TRPM3: variants seen among roughly 807,000 people sequenced by gnomAD.
TRPM3 encodes transient receptor potential cation channel subfamily M member 3.
In TRPM3, 77 loss-of-function variants were observed where a neutral mutation model predicts 181.2. That is an observed-to-expected ratio of 0.42 (90% CI 0.35 to 0.51). The LOEUF is 0.51. Ranked by LOEUF, TRPM3 falls within the 20% of genes least tolerant of loss-of-function variation. The pLI, the probability that TRPM3 is intolerant of heterozygous loss-of-function variation, is 0.01. For synonymous variants in TRPM3, 745 were observed against 796.4 expected, an observed-to-expected ratio of 0.94 and a Z score of 1.09; for missense variants, 1,759 against 2,196.7, an observed-to-expected ratio of 0.80 and a Z score of 3.98.
intron 1 of TRPM3, among the ~76,000 whole-genome samples, chr9:70,970,600 A>C (rs1349477586): frequency 1.3e-5 from 2 of 152,078 alleles, no homozygotes; most frequent in African/African-American, 4.8e-5. Flanking sequence ...GCTTCACATC[A>C]ATGTCCTGAA....
At chr9:71,311,733 AAAG>A (rs1315417496) in intron 1 of TRPM3, among the ~76,000 whole-genome samples, 3 of 152,042 alleles carry the variant, frequency 2.0e-5, no homozygotes, top group Non-Finnish European at 4.4e-5. Context: ...GGCCACATTC[AAAG>A]AAGAATTGTC....
chr9:70,899,484 T>C (rs1440027019), intron 1 of TRPM3, among the ~76,000 whole-genome samples: 1 of 152,188 alleles, frequency 6.6e-6, no homozygotes, highest in Admixed American at 6.5e-5. Context: ...ACAGGACCAC[T>C]TGCAAGTCTC....
intron 1 of TRPM3, among the ~76,000 whole-genome samples, chr9:70,938,991 A>T (rs1054867054): frequency 1.4e-5 from 2 of 143,170 alleles, no homozygotes; most frequent in African/African-American, 5.0e-5. Flanking sequence ...ATAAAAAAAT[A>T]AAAAAAAAAC....
intron 1 of TRPM3, among the ~76,000 whole-genome samples, chr9:71,065,904 G>C (rs528454856): frequency 6.6e-6 from 1 of 152,214 alleles, no homozygotes; most frequent in African/African-American, 2.4e-5. Context: ...AACAAGCGAT[G>C]ACATATGGCA....
chr9:71,172,055 T>C (rs1266318810), intron 1 of TRPM3, among the ~76,000 whole-genome samples: 2 of 152,004 alleles, frequency 1.3e-5, no homozygotes, highest in African/African-American at 4.8e-5. Context: ...CACACCACCA[T>C]ACCTGGCCAG....
At chr9:71,045,215 G>C (rs2059298642) in intron 1 of TRPM3, among the ~76,000 whole-genome samples, 1 of 152,024 alleles carries the variant, frequency 6.6e-6, no homozygotes, top group Admixed American at 6.6e-5. Context: ...TCCTGCCTCA[G>C]CCTCCCGAGT....
intron 6 of TRPM3, chr9:70,793,600 C>T (rs1179391267): frequency 2.1e-6 from 1 of 469,712 alleles, no homozygotes; most frequent in African/African-American, 2.0e-5. Flanking sequence ...CATGATCAAA[C>T]ATTCCTCTTC....
intron 22 of TRPM3, among the ~76,000 whole-genome samples, chr9:70,564,792 A>G (rs1254095538): frequency 2.0e-5 from 3 of 152,184 alleles, no homozygotes; most frequent in South Asian, 4.1e-4. Context: ...GGGTTATATG[A>G]TATCTACAGA....
chr9:70,566,896 C>T (rs2050743208), intron 22 of TRPM3, among the ~76,000 whole-genome samples: 1 of 152,150 alleles, frequency 6.6e-6, no homozygotes, highest in South Asian at 2.1e-4. Flanking sequence ...CTTTATTGGC[C>T]AAACAGCAGT....
chr9:70,905,993 A>G (rs111316682), intron 1 of TRPM3, among the ~76,000 whole-genome samples: 26 of 152,170 alleles, frequency 1.7e-4, no homozygotes, highest in African/African-American at 6.0e-4. Flanking sequence ...AGGTGTTGAG[A>G]TTACAGGTGG....
chr9:70,686,825 C>CTTTT (rs541527387), intron 8 of TRPM3, among the ~76,000 whole-genome samples: 9 of 74,998 alleles, frequency 1.2e-4, no homozygotes, highest in Admixed American at 1.4e-4. Flanking sequence ...TTTTCTTTTT[C>CTTTT]TTTTTTTTTT....
At position 71,394,350 on chromosome 9, in the gene TRPM3, GA is replaced by G. The variant is rs564038616; in HGVS notation, c.183+52302del. Among the ~76,000 whole-genome samples the G allele has an allele frequency of 1.0e-3, 158 of 152,150 alleles. 2 individuals carry two copies. Among genetic ancestry groups the G allele is most frequent in the South Asian group, 6.0e-3 (29 of 4,822 alleles). On this transcript the variant is annotated intron_variant, in intron 1 of 24. Transcript: ENST00000357533. ...ACTTCAACCACAGAAAACATAGTTTGAAAAAAATTCCTTGGTGAGGTAATTT... is the reference window on the plus strand; with the variant it reads ...ACTTCAACCACAGAAAACATAGTTTGAAAAAATTCCTTGGTGAGGTAATTT...
intron 1 of TRPM3, among the ~76,000 whole-genome samples, chr9:71,215,033 C>CAAAAAAAAAAAAAAAAAA (rs67349189): frequency 9.4e-6 from 1 of 105,822 alleles, no homozygotes; most frequent in Non-Finnish European, 1.9e-5. Context: ...CACCAAAAAA[C>CAAAAAAAAAAAAAAAAAA]AAAAAAAAAA....
chr9:71,314,228 C>T (rs2088309717), intron 1 of TRPM3, among the ~76,000 whole-genome samples: 1 of 152,224 alleles, frequency 6.6e-6, no homozygotes, highest in Non-Finnish European at 1.5e-5. Flanking sequence ...AGAGAACTCA[C>T]TTATACCTGT....
At chr9:71,281,738 A>G (rs2084722202) in intron 1 of TRPM3, among the ~76,000 whole-genome samples, 1 of 152,210 alleles carries the variant, frequency 6.6e-6, no homozygotes, top group Non-Finnish European at 1.5e-5. Context: ...GTGTACATTA[A>G]CATCCTCAAC....
rs190122778 is a variant in TRPM3, at chr9:70,944,410, C to T, written c.178-79899G>A. The stretch of plus-strand genomic sequence containing the variant: ...GCTTTAGACAGCAGAGCCTATATCC[C>T]TCTCCTCAATTTCCACAGCCCCACT... On this transcript the variant is annotated intron_variant, in intron 1 of 25. Coordinates refer to ENST00000677713, the MANE Select transcript of TRPM3 (RefSeq NM_001366145.2). 4.6e-5 allele frequency among the ~76,000 whole-genome samples: 7 copies of T among 152,298 alleles called. No homozygotes were observed. In the East Asian group the frequency reaches 1.4e-3, roughly 29 times the overall value.
At chr9:71,270,694 T>C (rs1588216231) in intron 1 of TRPM3, among the ~76,000 whole-genome samples, 1 of 152,184 alleles carries the variant, frequency 6.6e-6, no homozygotes, top group South Asian at 2.1e-4. Context: ...ATACATGCCC[T>C]GTAATAGTCT....
intron 5 of TRPM3, among the ~76,000 whole-genome samples, chr9:70,836,217 C>T (rs910963852): frequency 9.9e-5 from 15 of 152,140 alleles, no homozygotes; most frequent in African/African-American, 2.4e-4. Context: ...CTCTGGGCCC[C>T]ATCACCTCAT....
chr9:71,360,683 G>A (rs2092104546), intron 1 of TRPM3, among the ~76,000 whole-genome samples: 1 of 152,144 alleles, frequency 6.6e-6, no homozygotes, highest in South Asian at 2.1e-4. Context: ...TGATTGCACA[G>A]CATCAGCTCT....
Sources: allele counts gnomAD v4.1 joint callset (sites outside exome capture counted in the v4.1 genomes callset), GRCh38; gene constraint gnomAD v4.1.1; transcripts MANE v1.5; gene names NCBI Gene and HGNC (gene_info 2026-07-23, HGNC 2026-07-21).